ITGA1: variants seen among roughly 807,000 people sequenced by gnomAD.
The protein encoded by ITGA1 is integrin alpha-1.
A neutral mutation model predicts 145.9 loss-of-function variants in ITGA1; 85 were observed. That is an observed-to-expected ratio of 0.58 (90% CI 0.49 to 0.70). The LOEUF (loss-of-function observed/expected upper bound fraction) is 0.70. ITGA1 is among the 30% of genes least tolerant of loss of function. The probability of loss-of-function intolerance (pLI) is 0.00; values close to 1 mark genes in which losing one functional copy is unlikely to be tolerated. For missense variants in ITGA1, 1,351 were observed against 1,418.7 expected, an observed-to-expected ratio of 0.95 and a Z score of 0.77; for synonymous variants, 520 against 495.3, an observed-to-expected ratio of 1.05 and a Z score of -0.66.
chr5:52,853,910 A>T (rs1322282983), intron 2 of ITGA1, among the ~76,000 whole-genome samples: 1 of 152,156 alleles, frequency 6.6e-6, no homozygotes, highest in Non-Finnish European at 1.5e-5. Flanking sequence ...AGATTTCCAG[A>T]TTTAGTGGTA....
At position 52,939,882 on chromosome 5, in the gene ITGA1, ACTT is replaced by A. The variant is rs756089165; in HGVS notation, c.3229_3231del (p.Ser1077del). ...ATTTGCTACCATCACATGTAATCTC[ACTT>A]CTTCTGACATCAGCCAAGTCAATGT... On this transcript the variant is annotated inframe_deletion, in exon 26 of 29. Transcript: ENST00000282588. 34 of 1,612,704 alleles carry A rather than the reference ACTT, an allele frequency of 2.1e-5. 1 individual carries two copies. The South Asian group carries it at 3.3e-4, about 16-fold the overall frequency.
At position 52,835,493 on chromosome 5, in the gene ITGA1, G is replaced by A. The variant is rs547440441; in HGVS notation, c.62-13872G>A. 2.0e-5 allele frequency among the ~76,000 whole-genome samples: 3 copies of A among 152,250 alleles called. No homozygotes were observed. The South Asian group carries it at 6.2e-4, about 32-fold the overall frequency. Reference sequence around the variant, plus strand: ...AGCAGAAGTTCGATTGAGAATACAAGATGTTTCAGGGAACTGCGCATATTG... The same window carrying A: ...AGCAGAAGTTCGATTGAGAATACAAAATGTTTCAGGGAACTGCGCATATTG... On this transcript the variant is annotated intron_variant, in intron 1 of 28. Transcript: ENST00000282588.
intron 18 of ITGA1, among the ~76,000 whole-genome samples, chr5:52,923,856 A>G (rs1750765888): frequency 6.6e-6 from 1 of 152,246 alleles, no homozygotes; most frequent in African/African-American, 2.4e-5. Context: ...CACCTAGGTC[A>G]TCAGCAGTGC....
At chr5:52,884,439 C>G (rs1750014746) in intron 7 of ITGA1, among the ~76,000 whole-genome samples, 1 of 139,660 alleles carries the variant, frequency 7.2e-6, no homozygotes, top group South Asian at 2.4e-4. Context: ...AAGAGCAAAA[C>G]TCTGCCTTAA....
rs1244847335 is a variant in ITGA1 at position 52,953,707 on chromosome 5, A to C, written c.*1256A>C. On this transcript the variant is annotated 3_prime_UTR_variant, in exon 29 of 29. Coordinates refer to ENST00000282588, the MANE Select transcript of ITGA1 (RefSeq NM_181501.2). ...TGAAGTAGTCATTATGGTTCATTGG[A>C]ATCTACTGTAGCATAAGCTCCTAGG... 6.6e-6 allele frequency: 1 copy of C among 152,202 alleles called. No homozygotes were observed. The highest frequency in any genetic ancestry group is 1.5e-5 in the Non-Finnish European group (1 of 68,038). 9.4% of individuals were successfully genotyped at this position (152,202 alleles called of 1,614,324 possible). A position where few individuals can be genotyped will look rare whatever the true frequency, so the allele number is the denominator to read the frequency against.
At chr5:52,922,714 T>A in intron 17 of ITGA1, 63 bp from the exon 18 acceptor site, 2 of 1,043,512 alleles carry the variant, frequency 1.9e-6, no homozygotes, top group Non-Finnish European at 3.0e-6. Context: ...GAAGGAGACA[T>A]AACAAGATCA....
At chr5:52,938,424 T>G (rs1035512307) in intron 24 of ITGA1, among the ~76,000 whole-genome samples, 1 of 152,178 alleles carries the variant, frequency 6.6e-6, no homozygotes, top group Non-Finnish European at 1.5e-5. Flanking sequence ...GAAATCTGTC[T>G]TTTCATGCAT....
At chr5:52,893,412 G>A (rs1314589822) in intron 8 of ITGA1, among the ~76,000 whole-genome samples, 8 of 152,136 alleles carry the variant, frequency 5.3e-5, no homozygotes, top group Admixed American at 4.6e-4. Flanking sequence ...TAGTAACAGG[G>A]ACACAGAGTA....
At chr5:52,790,615 A>G (rs933501435) in intron 1 of ITGA1, among the ~76,000 whole-genome samples, 11 of 152,176 alleles carry the variant, frequency 7.2e-5, no homozygotes, top group African/African-American at 2.4e-4. Context: ...ATCTTCCCCC[A>G]TGACTCTGCT....
At chr5:52,831,189 A>G (rs1419661985) in intron 1 of ITGA1, among the ~76,000 whole-genome samples, 1 of 151,934 alleles carries the variant, frequency 6.6e-6, no homozygotes, top group Non-Finnish European at 1.5e-5. Context: ...CTGATGGGCA[A>G]TAACGAAATC....
chr5:52,801,060 T>A, intron 1 of ITGA1: 1 of 1,613,334 alleles, frequency 6.2e-7, no homozygotes. Flanking sequence ...ACTACCTGTT[T>A]CAACAAGCAG....
chr5:52,800,586 C>T, intron 1 of ITGA1: 1 of 1,613,620 alleles, frequency 6.2e-7, no homozygotes, highest in East Asian at 2.2e-5. Flanking sequence ...TCCGCACTAC[C>T]CTCACTCTCT....
chr5:52,857,393 C>T (rs1749533053), intron 2 of ITGA1, among the ~76,000 whole-genome samples: 1 of 152,074 alleles, frequency 6.6e-6, no homozygotes, highest in African/African-American at 2.4e-5. Context: ...TTCTTTCTTG[C>T]CATCATTTAG....
At chr5:52,791,418 T>A (rs1242088930) in intron 1 of ITGA1, among the ~76,000 whole-genome samples, 1 of 152,096 alleles carries the variant, frequency 6.6e-6, no homozygotes, top group African/African-American at 2.4e-5. Flanking sequence ...GGAGTTGTGG[T>A]CATAAAAAGG....
chr5:52,911,334 GTATATAT>G (rs1750523089), intron 14 of ITGA1, among the ~76,000 whole-genome samples: 1 of 132,906 alleles, frequency 7.5e-6, no homozygotes. Flanking sequence ...TGTATATAGT[GTATATAT>G]AGTATATAGT....
In ITGA1 at chr5:52,800,308, T is replaced by C; in HGVS notation, c.61+11894T>C. The C allele has an allele frequency of 5.4e-6, 8 of 1,483,884 alleles. No individual in the cohort carries two copies. The South Asian group carries it at 8.4e-5, about 16-fold the overall frequency. 91.9% of individuals were successfully genotyped at this position (1,483,884 alleles called of 1,614,324 possible). ...TAGAAACCGGGCCCCGCCCCCTTCC[T>C]GGCCTGCATTCCCATCCCCTCTCCC... On this transcript the variant is annotated intron_variant, in intron 1 of 28. Transcript: ENST00000282588.
chr5:52,886,063 T>C (rs2111811452), intron 7 of ITGA1, among the ~76,000 whole-genome samples: 1 of 152,262 alleles, frequency 6.6e-6, no homozygotes, highest in East Asian at 1.9e-4. Context: ...GGATTTCCAC[T>C]AAATTGATTA....
intron 1 of ITGA1, among the ~76,000 whole-genome samples, chr5:52,809,468 G>A (rs1279857200): frequency 6.6e-6 from 1 of 151,256 alleles, no homozygotes; most frequent in Non-Finnish European, 1.5e-5. Context: ...GAAGGGACCT[G>A]AGATTATTCC....
rs569144425 is a variant in ITGA1 at position 52,877,318 on chromosome 5, TG to T, written c.625-4553del. 2.1e-4 allele frequency among the ~76,000 whole-genome samples: 32 copies of T among 152,206 alleles called. No homozygotes were observed. In the East Asian group the frequency reaches 5.4e-3, roughly 26 times the overall value. ...GCAGCAAAGAGACTGACCATTGCCA[TG>T]GTCCAAGTTCAAAGCAATGATGTCT... On this transcript the variant is annotated intron_variant, in intron 6 of 28. Coordinates refer to ENST00000282588, the MANE Select transcript of ITGA1 (RefSeq NM_181501.2).
Sources: allele counts gnomAD v4.1 joint callset (sites outside exome capture counted in the v4.1 genomes callset), GRCh38; gene constraint gnomAD v4.1.1; transcripts MANE v1.5; gene names NCBI Gene and HGNC (gene_info 2026-07-23, HGNC 2026-07-21).